Variants in FLNB observed in about 807,000 individuals in gnomAD.
FLNB encodes the protein filamin-B.
In FLNB, 111 loss-of-function variants were observed where a neutral mutation model predicts 250.6. The observed-to-expected ratio is 0.44, with a 90% confidence interval of 0.38 to 0.52. The LOEUF is 0.52. FLNB is among the 20% of genes least tolerant of loss of function. The pLI is 0.00. For missense variants in FLNB, 2,869 were observed against 3,447.8 expected (o/e 0.83, Z 4.20); for synonymous variants, 1,302 against 1,372.1 (o/e 0.95, Z 1.13).
chr3:58,090,173 A>G (rs1484838908), intron 4 of FLNB, among the ~76,000 whole-genome samples: 1 of 150,676 alleles, frequency 6.6e-6, no homozygotes, highest in Non-Finnish European at 1.5e-5. Flanking sequence ...AAACACACAC[A>G]TTAGTCTAGA....
chr3:58,148,966 G>A (rs2097340438), intron 36 of FLNB, 114 bp downstream of exon 36: 1 of 929,374 alleles, frequency 1.1e-6, no homozygotes, highest in East Asian at 2.5e-5. Flanking sequence ...CATCCTTCAA[G>A]CTATAGGTCC....
intron 11 of FLNB, 128 bp downstream of exon 11, chr3:58,105,344 C>T: frequency 1.8e-6 from 2 of 1,130,610 alleles, no homozygotes; most frequent in South Asian, 1.3e-5. Context: ...TCCTGGCCAC[C>T]CTAAGCCATC....
In FLNB at chr3:58,125,722, A is replaced by G. The variant is rs146093652; in HGVS notation, c.4040A>G (p.Asn1347Ser). The G allele has an allele frequency of 1.3e-4, 207 of 1,614,158 alleles. No homozygotes were observed. Among genetic ancestry groups the G allele is most frequent in the African/African-American group, 1.0e-3 (78 of 75,048 alleles). The stretch of plus-strand genomic sequence containing the variant: ...AAAGAGGCCTTTACCAACAAGCCCA[A>G]TGTCTTCACCGTGGTTACCAGGTAG... ...GLKEAFTNKPNVFTVVTRGAG... is the reference protein window; with the variant it reads ...GLKEAFTNKPSVFTVVTRGAG... Residue 1347 changes from asparagine (N) to serine (S), a missense_variant, in exon 23 of 46, where the codon AAT (asparagine) becomes AGT (serine). Coordinates refer to ENST00000295956, the MANE Select transcript of FLNB (RefSeq NM_001457.4).
intron 1 of FLNB, among the ~76,000 whole-genome samples, chr3:58,013,037 G>C (rs2097101249): frequency 6.6e-6 from 1 of 152,198 alleles, no homozygotes; most frequent in South Asian, 2.1e-4. Context: ...TACGTTTCTT[G>C]TTATGTGATG....
chr3:58,101,489 A>G (rs1440735277), intron 8 of FLNB, among the ~76,000 whole-genome samples: 1 of 152,246 alleles, frequency 6.6e-6, no homozygotes, highest in African/African-American at 2.4e-5. Flanking sequence ...AGTAAGGCAT[A>G]TTGGAAGCTA....
At chr3:58,112,412 G>C (rs925257330) in intron 18 of FLNB, 94 bp downstream of exon 18, 24 of 1,314,622 alleles carry the variant, frequency 1.8e-5, no homozygotes, top group Non-Finnish European at 2.6e-5. Flanking sequence ...AGGGGTGTGA[G>C]AGGTGCTCTG....
intron 1 of FLNB, among the ~76,000 whole-genome samples, chr3:58,016,252 A>G (rs1420521925): frequency 6.6e-6 from 1 of 151,784 alleles, no homozygotes; most frequent in African/African-American, 2.4e-5. Context: ...ATGGTGTTTC[A>G]CCATGTTGGT....
At chr3:58,012,017 C>G (rs947695267) in intron 1 of FLNB, among the ~76,000 whole-genome samples, 2 of 152,112 alleles carry the variant, frequency 1.3e-5, no homozygotes, top group African/African-American at 4.8e-5. Context: ...TCGAGACCAG[C>G]CTGGACAACA....
At chr3:58,120,059 G>A (rs369696257) in intron 19 of FLNB, among the ~76,000 whole-genome samples, 35 of 152,272 alleles carry the variant, frequency 2.3e-4, no homozygotes, top group African/African-American at 7.5e-4. Flanking sequence ...CCCCCAGGAC[G>A]GGGCCTCCTG....
At chr3:58,168,727 T>G (rs1026559290) in intron 44 of FLNB, 69 bp downstream of exon 44, 1 of 1,105,274 alleles carries the variant, frequency 9.0e-7, no homozygotes, top group African/African-American at 1.5e-5. Context: ...TCAATCATAG[T>G]GGAAACTATG....
Position 58,109,227 on chromosome 3 carries a change from G to A in FLNB, c.2104G>A (p.Gly702Ser), listed in dbSNP as rs374090457. 1.5e-4 allele frequency: 249 copies of A among 1,614,238 alleles called. No homozygotes were observed. Among genetic ancestry groups the A allele is most frequent in the South Asian group, 1.9e-4 (17 of 91,084 alleles). Reference sequence around the variant, plus strand: ...CATCCAGATGAAGAACCGGATGGACGGCACATATGCATGCTCATACACCCC... The same window carrying A: ...CATCCAGATGAAGAACCGGATGGACAGCACATATGCATGCTCATACACCCC... ...IDIQMKNRMDGTYACSYTPVK... is the reference protein window; with the variant it reads ...IDIQMKNRMDSTYACSYTPVK... Residue 702 changes from glycine to serine, a missense_variant, in exon 14 of 46, where the codon GGC becomes AGC. Gly to Ser is a moderately conservative substitution (Grantham distance 56). Transcript: ENST00000295956.
intron 1 of FLNB, among the ~76,000 whole-genome samples, chr3:58,043,281 C>T (rs1260938887): frequency 6.6e-6 from 1 of 151,514 alleles, no homozygotes; most frequent in African/African-American, 2.4e-5. Flanking sequence ...ACTACAGGCA[C>T]ACTCCACCGT....
chr3:58,073,712 A>T (rs949276612), intron 1 of FLNB, among the ~76,000 whole-genome samples: 1 of 152,080 alleles, frequency 6.6e-6, no homozygotes, highest in Admixed American at 6.5e-5. Flanking sequence ...GACTACAAGG[A>T]AGGTGCCATC....
At chr3:58,029,547 C>G (rs941197830) in intron 1 of FLNB, among the ~76,000 whole-genome samples, 19 of 151,502 alleles carry the variant, frequency 1.3e-4, no homozygotes, top group African/African-American at 4.6e-4. Context: ...CTCTGTCGCC[C>G]AGGCTGGAGT....
chr3:58,149,268 A>G (rs569872198), intron 36 of FLNB: 2 of 280,742 alleles, frequency 7.1e-6, no homozygotes, highest in Admixed American at 4.9e-5. Context: ...TTTCTCTTTG[A>G]GATGGTTTGA....
intron 1 of FLNB, among the ~76,000 whole-genome samples, chr3:58,023,532 G>C (rs1658342): frequency 0.76 from 114,949 of 152,192 alleles, 44,215 homozygotes; most frequent in East Asian, 0.94. Context: ...TACTTTTAGG[G>C]GATTTTGCTT....
chr3:58,150,277 G>A (rs748287969), intron 38 of FLNB, 50 bp downstream of exon 38: 400 of 1,612,502 alleles, frequency 2.5e-4, no homozygotes, highest in Non-Finnish European at 3.2e-4. Context: ...CCAGCCTTCA[G>A]GGCAGTGGGT....
rs768316224 is a variant in FLNB, at chr3:58,138,314, G to A, written c.4894G>A (p.Glu1632Lys). The A allele has an allele frequency of 3.2e-5, 51 of 1,614,058 alleles. No homozygotes were observed. The highest frequency in any genetic ancestry group is 5.0e-5 in the Admixed American group (3 of 60,010). Residue 1632 changes from glutamate (E) to lysine (K), a missense_variant, in exon 29 of 46, where the codon GAA (glutamate) becomes AAA (lysine). Transcript: ENST00000295956. ...PGIASTVKTG[E>K]EVGFVVDAKT... is the part of the protein sequence containing the mutation. ...AATCGCCTCCACTGTGAAAACTGGC[G>A]AAGAAGTAGGCTTTGTGGTTGATGC...
rs1285042985 is a variant in FLNB, at chr3:58,112,149, G to A, written c.2576G>A (p.Gly859Asp). 3.1e-6 allele frequency: 5 copies of A among 1,613,794 alleles called. No individual in the cohort carries two copies. Among genetic ancestry groups the A allele is most frequent in the Admixed American group, 3.3e-5 (2 of 60,008 alleles). ...CTCACTTCACAGTATATCTTTCCAGGTGTGGAAAATGGGAAACCGACCCAC... is the reference window on the plus strand; with the variant it reads ...CTCACTTCACAGTATATCTTTCCAGATGTGGAAAATGGGAAACCGACCCAC... ...KAEGPGLSKA[G>D]VENGKPTHFT... Residue 859 changes from glycine to aspartate, a missense_variant and splice_region_variant, in exon 18 of 46, where the codon GGT becomes GAT. Around this residue, in one of 5 missense-constraint regions of FLNB, gnomAD observed 1,348 missense variants for 1,466.7 expected, o/e 0.92. Transcript: ENST00000295956.
Sources: gnomAD v4.1 joint callset for allele counts (sites outside exome capture counted in the v4.1 genomes callset) on GRCh38, gnomAD v4.1.1 for gene constraint, gnomAD v4.1.1 regional missense constraint, MANE v1.5 for transcripts, NCBI Gene and HGNC (gene_info 2026-07-23, HGNC 2026-07-21) for gene names.